The following MARCHF5 variants were observed in gnomAD, a reference collection of about 807,000 sequenced individuals.
The protein encoded by MARCHF5 is E3 ubiquitin-protein ligase MARCHF5.
MARCHF5 carries 5 observed loss-of-function variants against 36.5 expected under a neutral mutation model. The observed-to-expected ratio is 0.14, with a 90% CI of 0.07 to 0.29. The LOEUF (loss-of-function observed/expected upper bound fraction) is 0.29. Ranked by LOEUF, MARCHF5 falls within the 10% of genes least tolerant of loss-of-function variation. MARCHF5 has a pLI of 1.00. For missense variants in MARCHF5, 179 were observed against 336.3 expected (o/e 0.53, Z 3.66); for synonymous variants, 103 against 109.9 (o/e 0.94, Z 0.39).
chr10:92,339,143 G>A (rs975048102), intron 2 of MARCHF5, among the ~76,000 whole-genome samples: 2 of 151,170 alleles, frequency 1.3e-5, no homozygotes, highest in African/African-American at 2.5e-5. Flanking sequence ...GCCGAGGTGG[G>A]TGGATCACCT....
intron 2 of MARCHF5, among the ~76,000 whole-genome samples, chr10:92,316,317 T>C (rs1200000129): frequency 2.6e-5 from 4 of 152,232 alleles, no homozygotes; most frequent in African/African-American, 9.6e-5. Flanking sequence ...TTGTACTCAG[T>C]TGTGAAAAAC....
At position 92,311,433 on chromosome 10, in the gene MARCHF5, G is replaced by T. The variant is rs1429746505; in HGVS notation, c.238+96G>T. 1.0e-5 allele frequency: 8 copies of T among 803,194 alleles called. No homozygotes were observed. The East Asian group carries it at 1.1e-4, about 11-fold the overall frequency. The allele number at this position is 803,194 out of a possible 1,614,324, so 49.8% of individuals were successfully genotyped here. The stretch of plus-strand genomic sequence containing the variant: ...AAATGAACCACCTCTTTTTTTTAGG[G>T]TGTGAATTTCTATATTCCCTTTCTC... On this transcript the variant is annotated intron_variant, in intron 2 of 5. Transcript: ENST00000358935.
intron 1 of MARCHF5, among the ~76,000 whole-genome samples, chr10:92,293,450 C>G (rs1239500358): frequency 1.3e-5 from 2 of 151,984 alleles, no homozygotes; most frequent in Admixed American, 1.3e-4. Flanking sequence ...TTCATATGCT[C>G]TTTGGATATT....
intron 2 of MARCHF5, among the ~76,000 whole-genome samples, chr10:92,326,964 A>G (rs932254983): frequency 1.3e-5 from 2 of 152,114 alleles, no homozygotes; most frequent in Admixed American, 6.6e-5. Flanking sequence ...AATTATAACT[A>G]TCGTTATAAA....
intron 2 of MARCHF5, among the ~76,000 whole-genome samples, chr10:92,328,982 T>G (rs751556144): frequency 6.6e-6 from 1 of 152,108 alleles, no homozygotes; most frequent in African/African-American, 2.4e-5. Flanking sequence ...GCCTATTCAT[T>G]TCCACCTAGT....
At chr10:92,313,409 C>T (rs1843169443) in intron 2 of MARCHF5, among the ~76,000 whole-genome samples, 1 of 150,754 alleles carries the variant, frequency 6.6e-6, no homozygotes, top group East Asian at 2.0e-4. Context: ...TCGAGACCAT[C>T]CTGGCTAACA....
intron 1 of MARCHF5, among the ~76,000 whole-genome samples, chr10:92,305,789 A>C (rs1843067445): frequency 6.6e-6 from 1 of 152,168 alleles, no homozygotes. Flanking sequence ...TTTCCATTTC[A>C]AAAGACAAAA....
At position 92,311,179 on chromosome 10, in the gene MARCHF5, C is replaced by G; in HGVS notation, c.80C>G (p.Ala27Gly). 1 of 1,614,098 alleles carries G rather than the reference C, an allele frequency of 6.2e-7. No homozygotes were observed. Among genetic ancestry groups the G allele is most frequent in the Non-Finnish European group, 8.5e-7 (1 of 1,179,990 alleles). Residue 27 changes from alanine (A) to glycine (G), a missense_variant, in exon 2 of 6, where the codon GCT becomes GGT. Physicochemically the swap from Ala to Gly is moderately conservative, Grantham distance 60. Around this residue, in one of 3 missense-constraint regions of MARCHF5, gnomAD observed 66 missense variants for 180.5 expected, o/e 0.37. Coordinates refer to ENST00000358935, the MANE Select transcript of MARCHF5 (RefSeq NM_017824.5). ...GCTACTGATGAAGATGATAGAACAG[C>G]TGAATGGGTGAGACCATGCAGGTGC... ...CFATDEDDRTAEWVRPCRCRG... is the reference protein window; with the variant it reads ...CFATDEDDRTGEWVRPCRCRG...
intron 3 of MARCHF5, among the ~76,000 whole-genome samples, chr10:92,345,772 CATCCTCG>C (rs1414235454): frequency 6.8e-6 from 1 of 147,532 alleles, no homozygotes; most frequent in Non-Finnish European, 1.5e-5. Context: ...CGGCTCACTG[CATCCTCG>C]AACTCCCTGG....
intron 1 of MARCHF5, among the ~76,000 whole-genome samples, chr10:92,298,784 A>G (rs1200185532): frequency 1.3e-5 from 2 of 152,182 alleles, no homozygotes; most frequent in Non-Finnish European, 2.9e-5. Flanking sequence ...GCTGGTCTCA[A>G]ACTCCTGAGC....
chr10:92,333,101 G>A (rs901552179), intron 2 of MARCHF5, among the ~76,000 whole-genome samples: 8 of 150,876 alleles, frequency 5.3e-5, no homozygotes, highest in South Asian at 4.2e-4. Context: ...CGGAGGATGC[G>A]GTGAGCCAAG....
intron 1 of MARCHF5, among the ~76,000 whole-genome samples, chr10:92,310,419 G>C (rs956903893): frequency 3.9e-5 from 6 of 152,054 alleles, no homozygotes; most frequent in African/African-American, 1.4e-4. Context: ...ACCCTTAAAA[G>C]CAAAGTGGGA....
chr10:92,294,986 T>G (rs1842930789), intron 1 of MARCHF5, among the ~76,000 whole-genome samples: 1 of 152,166 alleles, frequency 6.6e-6, no homozygotes, highest in Non-Finnish European at 1.5e-5. Flanking sequence ...GAGCTGTGTT[T>G]GTGCCCCTGG....
chr10:92,299,989 C>T (rs1842993239), intron 1 of MARCHF5, among the ~76,000 whole-genome samples: 1 of 151,602 alleles, frequency 6.6e-6, no homozygotes, highest in Non-Finnish European at 1.5e-5. Context: ...TACTAAGACC[C>T]CCGTCTCTAC....
intron 2 of MARCHF5, among the ~76,000 whole-genome samples, chr10:92,329,208 C>T (rs750078354): frequency 2.0e-5 from 3 of 152,152 alleles, no homozygotes; most frequent in Non-Finnish European, 4.4e-5. Flanking sequence ...GGTGCTGAAT[C>T]ATTTTGTGTA....
intron 1 of MARCHF5, among the ~76,000 whole-genome samples, chr10:92,305,418 A>C (rs1473884790): frequency 2.6e-5 from 4 of 152,106 alleles, no homozygotes; most frequent in Non-Finnish European, 5.9e-5. Flanking sequence ...AAAAAAAAAA[A>C]GAATATTTAC....
chr10:92,320,511 G>T (rs1843278141), intron 2 of MARCHF5, among the ~76,000 whole-genome samples: 1 of 152,080 alleles, frequency 6.6e-6, no homozygotes. Context: ...AGACCTTCTA[G>T]TGGGACAAGA....
chr10:92,295,310 CTTTTCTTTTTTTTTT>C lies in MARCHF5; in HGVS notation c.35+3786_35+3800del, dbSNP rs1460690268. Among the ~76,000 whole-genome samples the C allele has an allele frequency of 1.8e-3, 48 of 26,242 alleles. No homozygotes were observed. The South Asian group carries it at 0.023, about 13-fold the overall frequency. 17.2% of individuals were successfully genotyped at this position (26,242 alleles called of 152,430 possible). On this transcript the variant is annotated intron_variant, in intron 1 of 5. Transcript: ENST00000358935. ...TTCAGGGTTTTTAAACTAGAGGCAA[CTTTTCTTTTTTTTTT>C]TTTTTTTTTTTTTTTGAGGCGAAGT...
Position 92,335,949 on chromosome 10 carries a change from G to A in MARCHF5, c.239-4724G>A, listed in dbSNP as rs893738121. Among the ~76,000 whole-genome samples, 5 of 152,332 alleles carry A rather than the reference G, an allele frequency of 3.3e-5. No homozygotes were observed. In the South Asian group the frequency reaches 1.0e-3, roughly 32 times the overall value. Reference sequence around the variant, plus strand: ...GTAGTTCCAAGTACAAGACAATTCAGTTCAACAAATGATTGAGAGTAGTAG... The same window carrying A: ...GTAGTTCCAAGTACAAGACAATTCAATTCAACAAATGATTGAGAGTAGTAG... On this transcript the variant is annotated intron_variant, in intron 2 of 5. Transcript: ENST00000358935.
Sources: allele counts gnomAD v4.1 joint callset (sites outside exome capture counted in the v4.1 genomes callset), GRCh38; gene constraint gnomAD v4.1.1; regional missense constraint gnomAD v4.1.1; transcripts MANE v1.5; gene names NCBI Gene and HGNC (gene_info 2026-07-23, HGNC 2026-07-21).